Variants in SNAP91 observed in about 807,000 individuals in gnomAD.
SNAP91 encodes synaptosome associated protein 91.
In SNAP91, 27 loss-of-function variants were observed where a neutral mutation model predicts 100.3. That is an observed-to-expected ratio of 0.27 (90% confidence interval 0.20 to 0.37). The LOEUF (loss-of-function observed/expected upper bound fraction) is 0.37, where lower values mean the gene tolerates loss of function less well. Among genes scored for constraint, SNAP91 ranks in the 10% least tolerant of loss-of-function variants. The pLI, the probability that SNAP91 is intolerant of heterozygous loss-of-function variation, is 1.00. For missense variants in SNAP91, 986 were observed against 1,123.7 expected, an observed-to-expected ratio of 0.88 and a Z score of 1.75; for synonymous variants, 404 against 398.6, an observed-to-expected ratio of 1.01 and a Z score of -0.16.
At chr6:83,637,101 CCT>C (rs2097488513) in intron 8 of SNAP91, among the ~76,000 whole-genome samples, 1 of 152,186 alleles carries the variant, frequency 6.6e-6, no homozygotes, top group African/African-American at 2.4e-5. Context: ...CAGCCAGACA[CCT>C]CTTATTTTTC....
chr6:83,664,702 A>C (rs942110285), intron 3 of SNAP91, among the ~76,000 whole-genome samples: 2 of 152,164 alleles, frequency 1.3e-5, no homozygotes, highest in African/African-American at 2.4e-5. Context: ...ACAACAAAGG[A>C]TATAGAAATT....
chr6:83,678,864 A>C, intron 2 of SNAP91: 1 of 1,256,598 alleles, frequency 8.0e-7, no homozygotes, highest in Non-Finnish European at 1.0e-6. Flanking sequence ...GGAAGTACCA[A>C]GGAATACAAC....
At chr6:83,589,904 G>A (rs1485872998) in intron 22 of SNAP91, among the ~76,000 whole-genome samples, 1 of 152,164 alleles carries the variant, frequency 6.6e-6, no homozygotes, top group African/African-American at 2.4e-5. Flanking sequence ...TGCCAGGATT[G>A]TTTATTGTAT....
At chr6:83,670,628 T>C (rs576580853) in intron 2 of SNAP91, among the ~76,000 whole-genome samples, 24 of 151,992 alleles carry the variant, frequency 1.6e-4, no homozygotes, top group Non-Finnish European at 2.8e-4. Context: ...ACACATTTTA[T>C]AGTTTTAGGG....
chr6:83,672,467 T>G (rs2098801212), intron 2 of SNAP91, among the ~76,000 whole-genome samples: 1 of 152,116 alleles, frequency 6.6e-6, no homozygotes, highest in Non-Finnish European at 1.5e-5. Context: ...ACACTGTCAT[T>G]TGTGGTAATT....
At chr6:83,692,385 C>T (rs1446459793) in intron 2 of SNAP91, among the ~76,000 whole-genome samples, 1 of 151,974 alleles carries the variant, frequency 6.6e-6, no homozygotes, top group South Asian at 2.1e-4. Flanking sequence ...CGTGGTAGAG[C>T]GCACCTGTAA....
chr6:83,604,461 A>C lies in SNAP91; in HGVS notation c.1141+1224T>G, dbSNP rs546011616. On this transcript the variant is annotated intron_variant, in intron 14 of 29. Coordinates refer to ENST00000369694, the MANE Select transcript of SNAP91 (RefSeq NM_001242792.2). ...TAAATGTTCTTATTTATAGTTAGCAACATTATTTCAGAACTGGTTATCTTT... is the reference window on the plus strand; with the variant it reads ...TAAATGTTCTTATTTATAGTTAGCACCATTATTTCAGAACTGGTTATCTTT... Among the ~76,000 whole-genome samples the C allele has an allele frequency of 5.3e-5, 8 of 152,312 alleles. No individual in the cohort carries two copies. In the South Asian group the frequency reaches 1.7e-3, roughly 32 times the overall value.
chr6:83,670,970 A>G (rs141772001), intron 2 of SNAP91, among the ~76,000 whole-genome samples: 1 of 152,122 alleles, frequency 6.6e-6, no homozygotes, highest in Admixed American at 6.6e-5. Context: ...TTTGTTCAAA[A>G]TGGTTTGTGG....
chr6:83,569,596 T>C (rs1034908326), intron 26 of SNAP91, among the ~76,000 whole-genome samples: 4 of 152,190 alleles, frequency 2.6e-5, no homozygotes, highest in Non-Finnish European at 4.4e-5. Flanking sequence ...GGCCTCATTA[T>C]TTGGCAAACT....
intron 2 of SNAP91, chr6:83,690,155 C>A: frequency 2.3e-6 from 1 of 433,164 alleles, no homozygotes; most frequent in Non-Finnish European, 3.2e-6. Context: ...GAGAGTTTTC[C>A]TAATGATTAT....
At chr6:83,695,947 T>G (rs1400652342) in intron 2 of SNAP91, among the ~76,000 whole-genome samples, 6 of 103,108 alleles carry the variant, frequency 5.8e-5, no homozygotes, top group Admixed American at 1.2e-4. Flanking sequence ...GGGAGGGGGG[T>G]GGGAAAGAAC....
intron 2 of SNAP91, among the ~76,000 whole-genome samples, chr6:83,691,528 T>A (rs564917200): frequency 6.6e-6 from 1 of 152,292 alleles, no homozygotes; most frequent in East Asian, 1.9e-4. Context: ...ATCAACTCTT[T>A]TTCTAAATAT....
At chr6:83,691,970 C>T (rs532703620) in intron 2 of SNAP91, among the ~76,000 whole-genome samples, 1 of 152,174 alleles carries the variant, frequency 6.6e-6, no homozygotes, top group Non-Finnish European at 1.5e-5. Context: ...CATTTATCAA[C>T]AAATAAATTA....
At chr6:83,631,811 G>A (rs1179441020) in intron 8 of SNAP91, among the ~76,000 whole-genome samples, 2 of 152,062 alleles carry the variant, frequency 1.3e-5, no homozygotes, top group African/African-American at 4.8e-5. Flanking sequence ...TCTTTTAAGT[G>A]GGGCATTTAG....
In SNAP91 at chr6:83,678,843, T is replaced by A. The variant is rs1165455610; in HGVS notation, c.131-13262A>T. The stretch of plus-strand genomic sequence containing the variant: ...GAATCATCCAATAAAAATCCAAGTC[T>A]GTTTTCTCTCGGAAGTACCAAGGAA... On this transcript the variant is annotated intron_variant, in intron 2 of 29. Coordinates refer to ENST00000369694, the MANE Select transcript of SNAP91 (RefSeq NM_001242792.2). 3.1e-6 allele frequency: 4 copies of A among 1,275,482 alleles called. No individual in the cohort carries two copies. In the East Asian group the frequency reaches 2.3e-4, roughly 74 times the overall value. The allele number at this position is 1,275,482 out of a possible 1,614,324, so 79.0% of individuals were successfully genotyped here. A position where few individuals can be genotyped will look rare whatever the true frequency, so the allele number is the denominator to read the frequency against.
intron 14 of SNAP91, among the ~76,000 whole-genome samples, chr6:83,603,783 C>A (rs2095440763): frequency 6.6e-6 from 1 of 152,160 alleles, no homozygotes; most frequent in African/African-American, 2.4e-5. Flanking sequence ...TTGAGCAATG[C>A]ATGATCTACA....
intron 25 of SNAP91, 42 bp from the exon 26 acceptor site, chr6:83,575,163 A>G: frequency 1.5e-6 from 2 of 1,358,962 alleles, no homozygotes; most frequent in South Asian, 2.5e-5. Flanking sequence ...ACAAAAAATC[A>G]CAAATCAGAA....
chr6:83,596,439 G>A (rs117306021), intron 16 of SNAP91, among the ~76,000 whole-genome samples: 2 of 152,264 alleles, frequency 1.3e-5, no homozygotes, highest in East Asian at 1.9e-4. Context: ...TTTGCCATGA[G>A]TCAGGTCAGT....
chr6:83,660,273 A>G (rs1210993471), intron 5 of SNAP91, among the ~76,000 whole-genome samples: 1 of 152,222 alleles, frequency 6.6e-6, no homozygotes, highest in African/African-American at 2.4e-5. Flanking sequence ...TATGAACTAG[A>G]ATCATCTCTC....
Sources: gnomAD v4.1 joint callset for allele counts (sites outside exome capture counted in the v4.1 genomes callset) on GRCh38, gnomAD v4.1.1 for gene constraint, MANE v1.5 for transcripts, NCBI Gene and HGNC (gene_info 2026-07-23, HGNC 2026-07-21) for gene names.